OPRM1: variants seen among roughly 807,000 people sequenced by gnomAD.
The protein encoded by OPRM1 is mu-type opioid receptor.
In OPRM1, 27 loss-of-function variants were observed where a neutral mutation model predicts 31.8. That is an observed-to-expected ratio of 0.85 (90% CI 0.63 to 1.17). OPRM1 has a LOEUF of 1.17. Ranked by LOEUF, OPRM1 falls within the 50% of genes most tolerant of loss-of-function variation. The probability of loss-of-function intolerance (pLI) is 0.00; values close to 1 mark genes in which losing one functional copy is unlikely to be tolerated. For synonymous variants in OPRM1, 196 were observed against 189.9 expected (o/e 1.03, Z -0.26); for missense variants, 536 against 511.1 (o/e 1.05, Z -0.47).
intron 3 of OPRM1, among the ~76,000 whole-genome samples, chr6:154,100,950 TAC>T (rs1562473703): frequency 6.7e-6 from 1 of 148,940 alleles, no homozygotes; most frequent in East Asian, 1.9e-4. Context: ...TAAATATATA[TAC>T]ACACATATAT....
chr6:154,237,733 T>C (rs1406393812), intron 3 of OPRM1, among the ~76,000 whole-genome samples: 2 of 152,192 alleles, frequency 1.3e-5, no homozygotes, highest in Non-Finnish European at 2.9e-5. Flanking sequence ...TATACCATGC[T>C]GCCGAAATCC....
intron 3 of OPRM1, among the ~76,000 whole-genome samples, chr6:154,212,079 A>G (rs1778005632): frequency 6.6e-6 from 1 of 152,236 alleles, no homozygotes; most frequent in South Asian, 2.1e-4. Context: ...AAGCACCTAC[A>G]TACATCCTAG....
intron 1 of OPRM1, among the ~76,000 whole-genome samples, chr6:154,045,117 T>C (rs1035657401): frequency 2.0e-5 from 3 of 151,698 alleles, no homozygotes; most frequent in African/African-American, 7.3e-5. Flanking sequence ...TCCCAACTAC[T>C]GGGGAGGCTG....
intron 1 of OPRM1, among the ~76,000 whole-genome samples, chr6:154,059,465 A>C (rs1783978320): frequency 6.6e-6 from 1 of 152,080 alleles, no homozygotes; most frequent in Admixed American, 6.6e-5. Flanking sequence ...AGAGACAGCC[A>C]CTCTGCCAGG....
At chr6:154,191,709 CAAA>C (rs992938608) in intron 3 of OPRM1, among the ~76,000 whole-genome samples, 1 of 142,216 alleles carries the variant, frequency 7.0e-6, no homozygotes, top group African/African-American at 2.6e-5. Flanking sequence ...ACAACAACAA[CAAA>C]GAGTGAACCC....
At chr6:154,151,720 C>T (rs1798503640) in intron 3 of OPRM1, among the ~76,000 whole-genome samples, 1 of 152,136 alleles carries the variant, frequency 6.6e-6, no homozygotes, top group South Asian at 2.1e-4. Flanking sequence ...TCCTTCCCTA[C>T]ACCTCCTACT....
intron 3 of OPRM1, among the ~76,000 whole-genome samples, chr6:154,095,143 T>C (rs1178468104): frequency 6.6e-6 from 1 of 152,070 alleles, no homozygotes; most frequent in Non-Finnish European, 1.5e-5. Context: ...AATACAAAAT[T>C]AGCCAGGTGT....
At chr6:154,173,046 G>A (rs769011125) in intron 3 of OPRM1, among the ~76,000 whole-genome samples, 3 of 152,234 alleles carry the variant, frequency 2.0e-5, no homozygotes, top group African/African-American at 4.8e-5. Context: ...TGCACCTGCA[G>A]CAAACTCCAA....
chr6:154,197,860 A>G (rs948261430), intron 3 of OPRM1, among the ~76,000 whole-genome samples: 1 of 152,148 alleles, frequency 6.6e-6, no homozygotes, highest in Non-Finnish European at 1.5e-5. Flanking sequence ...TTTTAGTTCT[A>G]CTTACGACCC....
intron 1 of OPRM1, among the ~76,000 whole-genome samples, chr6:154,048,386 C>T (rs1032470864): frequency 5.9e-5 from 9 of 152,138 alleles, no homozygotes; most frequent in Non-Finnish European, 1.3e-4. Flanking sequence ...TCCTTTCTTA[C>T]AGCCTCTCCA....
chr6:154,034,578 A>AT (rs1415597402), upstream of OPRM1, among the ~76,000 whole-genome samples: 2 of 152,154 alleles, frequency 1.3e-5, no homozygotes, highest in South Asian at 2.1e-4. Context: ...ATAAAATATA[A>AT]TGATAAAGAA....
chr6:154,174,672 C>A (rs1000057954), intron 3 of OPRM1, among the ~76,000 whole-genome samples: 9 of 152,154 alleles, frequency 5.9e-5, no homozygotes, highest in African/African-American at 2.2e-4. Flanking sequence ...ATTCATAAAG[C>A]AAGTCCTTAG....
intron 3 of OPRM1, among the ~76,000 whole-genome samples, chr6:154,182,291 C>G (rs1800952195): frequency 6.6e-6 from 1 of 152,120 alleles, no homozygotes; most frequent in African/African-American, 2.4e-5. Flanking sequence ...TCTGTTAAGA[C>G]AGCTCAAGGC....
intron 3 of OPRM1, among the ~76,000 whole-genome samples, chr6:154,149,521 G>A (rs77273082): frequency 1.1e-4 from 16 of 152,104 alleles, no homozygotes; most frequent in African/African-American, 1.7e-4. Flanking sequence ...TGAGGGTTAG[G>A]TCTCAAAACT....
At chr6:154,171,070 T>C (rs1298727698) in intron 3 of OPRM1, among the ~76,000 whole-genome samples, 1 of 152,130 alleles carries the variant, frequency 6.6e-6, no homozygotes, top group African/African-American at 2.4e-5. Context: ...AGTTTGTCCA[T>C]TTCTCATGGA....
At chr6:154,231,271 T>G (rs1350685966) in intron 3 of OPRM1, among the ~76,000 whole-genome samples, 1 of 152,200 alleles carries the variant, frequency 6.6e-6, no homozygotes. Flanking sequence ...AAAGTTCTAG[T>G]TCTATGGAGA....
At chr6:154,096,540 A>G (rs1479337247) in intron 3 of OPRM1, among the ~76,000 whole-genome samples, 1 of 152,140 alleles carries the variant, frequency 6.6e-6, no homozygotes, top group Non-Finnish European at 1.5e-5. Context: ...TTTTTGCACC[A>G]GGCTAGTACT....
At position 154,172,496 on chromosome 6, in the gene OPRM1, C is replaced by G. The variant is rs535439114; in HGVS notation, c.1165-74197C>G. Among the ~76,000 whole-genome samples, 879 of 152,342 alleles carry G rather than the reference C, an allele frequency of 5.8e-3. 11 individuals are homozygous for G. Among genetic ancestry groups the G allele is most frequent in the African/African-American group, 0.02 (852 of 41,576 alleles). On this transcript the variant is annotated intron_variant, in intron 3 of 3. Coordinates refer to the OPRM1 transcript ENST00000337049. ...CAGACCAGGAGATTCCCTCCCATGCCTGGCTCGGTGGGTCCCACACCCATG... is the reference window on the plus strand; with the variant it reads ...CAGACCAGGAGATTCCCTCCCATGCGTGGCTCGGTGGGTCCCACACCCATG...
chr6:154,094,589 G>A (rs904683289), intron 3 of OPRM1, among the ~76,000 whole-genome samples: 1 of 152,198 alleles, frequency 6.6e-6, no homozygotes, highest in African/African-American at 2.4e-5. Flanking sequence ...CATGGCCTCA[G>A]CAAGAATGAC....
Sources: gnomAD v4.1 joint callset for allele counts (sites outside exome capture counted in the v4.1 genomes callset) on GRCh38, gnomAD v4.1.1 for gene constraint, MANE v1.5 for transcripts, NCBI Gene and HGNC (gene_info 2026-07-23, HGNC 2026-07-21) for gene names.